Variants in LINGO2 observed in about 807,000 individuals in gnomAD.
LINGO2 encodes the protein leucine rich repeat and Ig domain containing 2.
In LINGO2, 14 loss-of-function variants were observed where a neutral mutation model predicts 30.6. The ratio of observed to expected loss-of-function variants is 0.46; its 90% CI spans 0.30 to 0.72. The LOEUF is 0.72. Ranked by LOEUF, LINGO2 falls within the 30% of genes least tolerant of loss-of-function variation. The pLI, the probability that LINGO2 is intolerant of heterozygous loss-of-function variation, is 0.07. For synonymous variants in LINGO2, 317 were observed against 288.5 expected, an observed-to-expected ratio of 1.10 and a Z score of -1.00; for missense variants, 729 against 751.7, an observed-to-expected ratio of 0.97 and a Z score of 0.35.
intron 4 of LINGO2, among the ~76,000 whole-genome samples, chr9:28,286,977 G>T (rs909236627): frequency 1.2e-4 from 19 of 152,086 alleles, no homozygotes; most frequent in African/African-American, 4.3e-4. Flanking sequence ...AAAATATATA[G>T]AAGTGTGATG....
At chr9:28,949,640 C>T in the LINGO2 span, among the ~76,000 whole-genome samples, 1 of 152,000 alleles carries the variant, frequency 6.6e-6, no homozygotes, top group Non-Finnish European at 1.5e-5. Context: ...CCAAAAAAAG[C>T]CCAGGACCAG....
the LINGO2 span, among the ~76,000 whole-genome samples, chr9:28,982,744 G>A: frequency 6.6e-6 from 1 of 151,456 alleles, no homozygotes; most frequent in East Asian, 1.9e-4. Context: ...ACATCACAAA[G>A]GAGAATTATT....
intron 4 of LINGO2, among the ~76,000 whole-genome samples, chr9:28,179,690 A>G (rs1367266441): frequency 6.9e-6 from 1 of 144,668 alleles, no homozygotes; most frequent in Non-Finnish European, 1.5e-5. Context: ...TATATATACT[A>G]TAGTATATAT....
At chr9:28,983,760 T>C in the LINGO2 span, among the ~76,000 whole-genome samples, 16 of 151,922 alleles carry the variant, frequency 1.1e-4, no homozygotes, top group African/African-American at 3.9e-4. Context: ...AAATCTTTAC[T>C]GAACAAATTA....
Position 28,166,450 on chromosome 9 carries a change from C to T in LINGO2, c.-87+128758G>A, listed in dbSNP as rs143743982. On this transcript the variant is annotated intron_variant, in intron 4 of 5. Transcript: ENST00000379992. ...GCACAGCTATGAGACATTCAAATGACATCATTCACTGGAGGGATGATCTTT... is the reference window on the plus strand; with the variant it reads ...GCACAGCTATGAGACATTCAAATGATATCATTCACTGGAGGGATGATCTTT... Among the ~76,000 whole-genome samples the T allele has an allele frequency of 5.1e-4, 77 of 152,268 alleles. 1 individual carries two copies. In the East Asian group the frequency reaches 0.014, roughly 29 times the overall value.
At chr9:28,880,259 T>G in the LINGO2 span, among the ~76,000 whole-genome samples, 1 of 152,018 alleles carries the variant, frequency 6.6e-6, no homozygotes, top group African/African-American at 2.4e-5. Flanking sequence ...AGAAAGGAAA[T>G]ACATAAGAGA....
chr9:28,144,654 G>T (rs1827764896), intron 4 of LINGO2, among the ~76,000 whole-genome samples: 6 of 152,178 alleles, frequency 3.9e-5, no homozygotes, highest in Admixed American at 3.9e-4. Context: ...CTATGTTTAA[G>T]TCTTTGCTGA....
the LINGO2 span, among the ~76,000 whole-genome samples, chr9:29,158,719 G>A: frequency 6.6e-6 from 1 of 152,090 alleles, no homozygotes; most frequent in Non-Finnish European, 1.5e-5. Context: ...TACTCAAGGA[G>A]ATACGTCTGT....
chr9:28,941,151 C>G, the LINGO2 span, among the ~76,000 whole-genome samples: 1 of 152,070 alleles, frequency 6.6e-6, no homozygotes, highest in East Asian at 1.9e-4. Context: ...TGGTAAAATT[C>G]TCTTGAAAGT....
chr9:29,047,409 T>G, the LINGO2 span, among the ~76,000 whole-genome samples: 5 of 152,120 alleles, frequency 3.3e-5, no homozygotes, highest in Non-Finnish European at 4.4e-5. Context: ...AATAGCAGTC[T>G]ATAAGAGAAT....
the LINGO2 span, among the ~76,000 whole-genome samples, chr9:29,049,555 C>T: frequency 6.6e-6 from 1 of 152,044 alleles, no homozygotes; most frequent in Non-Finnish European, 1.5e-5. Context: ...CCTAAGTGTC[C>T]ATCAACAGAT....
chr9:28,252,437 G>T (rs1364220082), intron 4 of LINGO2, among the ~76,000 whole-genome samples: 1 of 152,026 alleles, frequency 6.6e-6, no homozygotes, highest in Non-Finnish European at 1.5e-5. Context: ...ATGTTGGCCA[G>T]GATGGTCTCA....
intron 4 of LINGO2, among the ~76,000 whole-genome samples, chr9:28,264,718 C>A (rs1162620170): frequency 6.6e-6 from 1 of 151,930 alleles, no homozygotes; most frequent in Non-Finnish European, 1.5e-5. Flanking sequence ...AGTGGTACAG[C>A]TCTTCATCTA....
Position 28,085,695 on chromosome 9 carries a change from G to T in LINGO2, c.-86-73290C>A, listed in dbSNP as rs145472845. On this transcript the variant is annotated intron_variant, in intron 4 of 5. Transcript: ENST00000379992. ...CCAGAGAATGAGGCATGGAAAGGAG[G>T]GTAGGCATCTCATTACCTCTTGAGA... is the stretch of plus-strand genomic sequence containing the variant. 2.3e-3 allele frequency among the ~76,000 whole-genome samples: 357 copies of T among 152,096 alleles called. 7 individuals are homozygous for T. In the South Asian group the frequency reaches 0.044, roughly 19 times the overall value.
At chr9:29,200,607 C>T in the LINGO2 span, among the ~76,000 whole-genome samples, 3 of 152,046 alleles carry the variant, frequency 2.0e-5, no homozygotes, top group Non-Finnish European at 2.9e-5. Flanking sequence ...ATCTACGTTA[C>T]ACCCAGTTTT....
chr9:29,046,393 A>G, the LINGO2 span, among the ~76,000 whole-genome samples: 1 of 152,306 alleles, frequency 6.6e-6, no homozygotes, highest in South Asian at 2.1e-4. Context: ...TACTTGTACA[A>G]AAACCAGCAC....
At chr9:28,600,785 T>G (rs183719312) in intron 1 of LINGO2, among the ~76,000 whole-genome samples, 19 of 152,080 alleles carry the variant, frequency 1.2e-4, no homozygotes, top group Non-Finnish European at 2.5e-4. Flanking sequence ...GGCACGAGAA[T>G]AGCCTGTTCA....
chr9:28,165,755 A>G (rs1019275874), intron 4 of LINGO2, among the ~76,000 whole-genome samples: 5 of 152,116 alleles, frequency 3.3e-5, no homozygotes, highest in African/African-American at 7.2e-5. Context: ...TTCTCAATTT[A>G]CCAAATCTTA....
At chr9:28,594,167 C>T (rs1212684371) in intron 1 of LINGO2, among the ~76,000 whole-genome samples, 1 of 152,068 alleles carries the variant, frequency 6.6e-6, no homozygotes, top group Non-Finnish European at 1.5e-5. Flanking sequence ...GTCTAAACTA[C>T]ATATTATTTA....
Sources: allele counts gnomAD v4.1 joint callset (sites outside exome capture counted in the v4.1 genomes callset), GRCh38; gene constraint gnomAD v4.1.1; transcripts MANE v1.5; gene names NCBI Gene and HGNC (gene_info 2026-07-23, HGNC 2026-07-21).